HABP2: variants seen among roughly 807,000 people sequenced by gnomAD.
HABP2 encodes the protein factor VII-activating protease.
In HABP2, 65 loss-of-function variants were observed where a neutral mutation model predicts 66.5. The ratio of observed to expected loss-of-function variants is 0.98; its 90% CI spans 0.80 to 1.20. HABP2 has a LOEUF of 1.20. Among genes scored for constraint, HABP2 ranks in the 50% most tolerant of loss-of-function variants. HABP2 has a pLI of 0.00. For missense variants in HABP2, 786 were observed against 691.0 expected (o/e 1.14, Z -1.54); for synonymous variants, 263 against 253.9 (o/e 1.04, Z -0.34).
At position 113,589,005 on chromosome 10, in the gene HABP2, G is replaced by T. The variant is rs748831618; in HGVS notation, c.*636G>T. On this transcript the variant is annotated 3_prime_UTR_variant, in exon 13 of 13. Coordinates refer to ENST00000351270, the MANE Select transcript of HABP2 (RefSeq NM_004132.5). ...ACAGCAGGGCCTTCTTCTTTTTGAC[G>T]TGCAGAATCTCAGTGGCATCTGGGT... is the stretch of plus-strand genomic sequence containing the variant. The T allele has an allele frequency of 6.2e-7, 1 of 1,613,708 alleles. No individual in the cohort carries two copies. Among genetic ancestry groups the T allele is most frequent in the Non-Finnish European group, 8.5e-7 (1 of 1,179,822 alleles).
chr10:113,569,468 T>C (rs895071594), intron 2 of HABP2, among the ~76,000 whole-genome samples: 4 of 152,256 alleles, frequency 2.6e-5, no homozygotes. Context: ...GACAACAGCA[T>C]GGCGAAAGAG....
chr10:113,576,859 A>ATTC (rs374884959), intron 4 of HABP2, among the ~76,000 whole-genome samples: 1 of 152,334 alleles, frequency 6.6e-6, no homozygotes, highest in African/African-American at 2.4e-5. Context: ...TTAGCTAGAA[A>ATTC]ATGGAGAGAC....
At chr10:113,558,405 G>C (rs1293290334) in intron 1 of HABP2, among the ~76,000 whole-genome samples, 3 of 152,200 alleles carry the variant, frequency 2.0e-5, no homozygotes, top group Non-Finnish European at 4.4e-5. Flanking sequence ...TTGAATTCTA[G>C]CTGGCTGCTG....
Position 113,588,257 on chromosome 10 carries a change from A to G in HABP2, c.1571A>G (p.Tyr524Cys), listed in dbSNP as rs752171971. Reference sequence around the variant, plus strand: ...GAGAAGGACGGCACCTACTACGTCTATGGGATAGTGAGCTGGGGCCTGGAG... The same window carrying G: ...GAGAAGGACGGCACCTACTACGTCTGTGGGATAGTGAGCTGGGGCCTGGAG... ...TCEKDGTYYVYGIVSWGLECG... is the reference protein window; with the variant it reads ...TCEKDGTYYVCGIVSWGLECG... The change falls in exon 13 of 13, where the codon TAT becomes TGT. Residue 524 changes from tyrosine (Y) to cysteine (C), a missense_variant. Transcript: ENST00000351270. 34 of 1,613,568 alleles carry G rather than the reference A, an allele frequency of 2.1e-5. No individual in the cohort carries two copies. Among genetic ancestry groups the G allele is most frequent in the Admixed American group, 1.8e-4 (11 of 59,974 alleles).
At chr10:113,551,532 G>A (rs935728870), upstream of HABP2, among the ~76,000 whole-genome samples, 3 of 152,194 alleles carry the variant, frequency 2.0e-5, no homozygotes, top group African/African-American at 7.2e-5. Context: ...ACAGCCAGGC[G>A]CAGTGGCTTA....
intron 1 of HABP2, among the ~76,000 whole-genome samples, chr10:113,562,568 C>G (rs1046437660): frequency 6.6e-6 from 1 of 152,090 alleles, no homozygotes; most frequent in East Asian, 1.9e-4. Flanking sequence ...CCTCAGCCAC[C>G]CGAGTAGCTG....
At chr10:113,581,755 C>T (rs762470279) in intron 8 of HABP2, 121 bp from the exon 9 acceptor site, 1 of 898,320 alleles carries the variant, frequency 1.1e-6, no homozygotes, top group Non-Finnish European at 1.8e-6. Flanking sequence ...TGCACCAGTG[C>T]AGTCTCTCAG....
chr10:113,574,270 C>T lies in HABP2; in HGVS notation c.107-19C>T, dbSNP rs771380641. 1.6e-6 allele frequency: 2 copies of T among 1,223,368 alleles called. No homozygotes were observed. Among genetic ancestry groups the T allele is most frequent in the Non-Finnish European group, 2.4e-6 (2 of 824,678 alleles). 75.8% of individuals were successfully genotyped at this position (1,223,368 alleles called of 1,614,324 possible). A position where few individuals can be genotyped will look rare whatever the true frequency, so the allele number is the denominator to read the frequency against. The stretch of plus-strand genomic sequence containing the variant: ...GTGTAATGATTAGGATTTCTTCTGT[C>T]CTGTTACCATCCCTGCAGACTGGAC... On this transcript the variant is annotated intron_variant, in intron 2 of 12. Transcript: ENST00000351270.
At chr10:113,572,219 T>C (rs559440674) in intron 2 of HABP2, among the ~76,000 whole-genome samples, 1 of 152,236 alleles carries the variant, frequency 6.6e-6, no homozygotes, top group Non-Finnish European at 1.5e-5. Context: ...TTTTATTTCT[T>C]CTTTGGCTTC....
At chr10:113,562,223 A>T (rs1361885953) in intron 1 of HABP2, among the ~76,000 whole-genome samples, 1 of 152,228 alleles carries the variant, frequency 6.6e-6, no homozygotes, top group Non-Finnish European at 1.5e-5. Flanking sequence ...AGCTGGGACC[A>T]TGTGCTATTT....
chr10:113,579,264 A>G (rs970411044), intron 7 of HABP2, among the ~76,000 whole-genome samples: 16 of 152,058 alleles, frequency 1.1e-4, no homozygotes, highest in East Asian at 1.9e-4. Flanking sequence ...AGAAAAAAAA[A>G]AAAGAAAAAA....
Position 113,589,367 on chromosome 10 carries a change from G to GAGCA in HABP2, c.*1003_*1006dup. ...CCCTGACCCTTTCTGCGAATGTAACGAGCAAGCAGTCAGCACAGCCTGGGC... is the reference window on the plus strand; with the variant it reads ...CCCTGACCCTTTCTGCGAATGTAACGAGCAAGCAAGCAGTCAGCACAGCCTGGGC... On this transcript the variant is annotated 3_prime_UTR_variant, in exon 13 of 13. Coordinates refer to ENST00000351270, the MANE Select transcript of HABP2 (RefSeq NM_004132.5). 1.8e-6 allele frequency: 1 copy of GAGCA among 564,008 alleles called. No homozygotes were observed. Among genetic ancestry groups the GAGCA allele is most frequent in the Non-Finnish European group, 3.1e-6 (1 of 319,212 alleles). 34.9% of individuals were successfully genotyped at this position (564,008 alleles called of 1,614,324 possible). A position where few individuals can be genotyped will look rare whatever the true frequency, so the allele number is the denominator to read the frequency against.
intron 12 of HABP2, among the ~76,000 whole-genome samples, chr10:113,586,991 C>T (rs1351888539): frequency 6.6e-6 from 1 of 152,258 alleles, no homozygotes; most frequent in Non-Finnish European, 1.5e-5. Context: ...TTGCCCTAAA[C>T]TCCTTCCCAG....
At chr10:113,574,430 A>T (rs2133768075) in intron 3 of HABP2, 25 bp downstream of exon 3, 1 of 1,160,472 alleles carries the variant, frequency 8.6e-7, no homozygotes, top group Middle Eastern at 1.9e-4. Flanking sequence ...TCTTTCAGGG[A>T]CTCTCCTGGG....
At chr10:113,557,253 C>T (rs1172101129) in intron 1 of HABP2, among the ~76,000 whole-genome samples, 1 of 152,068 alleles carries the variant, frequency 6.6e-6, no homozygotes, top group Non-Finnish European at 1.5e-5. Flanking sequence ...GCCATCTACA[C>T]GGTCTTAGGG....
intron 5 of HABP2, 126 bp from the exon 6 acceptor site, chr10:113,577,900 T>A: frequency 9.5e-7 from 1 of 1,055,436 alleles, no homozygotes; most frequent in Non-Finnish European, 1.4e-6. Flanking sequence ...GTCTTTCCCA[T>A]CTGGTGACCC....
chr10:113,553,186 G>T lies in HABP2; in HGVS notation c.65G>T (p.Cys22Phe). The T allele has an allele frequency of 6.2e-7, 1 of 1,606,640 alleles. No homozygotes were observed. Among genetic ancestry groups the T allele is most frequent in the Non-Finnish European group, 8.5e-7 (1 of 1,173,172 alleles). Reference protein sequence around the residue: ...LLMALVGKTACGFSLMSLLES... With the variant: ...LLMALVGKTAFGFSLMSLLES... The stretch of plus-strand genomic sequence containing the variant: ...ATGGCTCTGGTGGGAAAGACAGCCT[G>T]TGGGGTAAGTGTTCTTTTCTAATAT... Residue 22 changes from cysteine to phenylalanine, a missense_variant, in exon 1 of 13, where the codon TGT becomes TTT. Coordinates refer to ENST00000351270, the MANE Select transcript of HABP2 (RefSeq NM_004132.5).
chr10:113,588,534 G>T lies in HABP2; in HGVS notation c.*165G>T. The T allele has an allele frequency of 1.8e-6, 1 of 564,922 alleles. No homozygotes were observed. Among genetic ancestry groups the T allele is most frequent in the Non-Finnish European group, 3.1e-6 (1 of 323,102 alleles). 35.0% of individuals were successfully genotyped at this position (564,922 alleles called of 1,614,324 possible). ...ACCCAGCCTGGGCCTTCCCAGACCAGCATTTGCACAATATCACCAGGCTTC... is the reference window on the plus strand; with the variant it reads ...ACCCAGCCTGGGCCTTCCCAGACCATCATTTGCACAATATCACCAGGCTTC... On this transcript the variant is annotated 3_prime_UTR_variant, in exon 13 of 13. Transcript: ENST00000351270.
intron 12 of HABP2, among the ~76,000 whole-genome samples, chr10:113,586,821 G>A (rs191695953): frequency 4.6e-5 from 7 of 152,188 alleles, no homozygotes; most frequent in East Asian, 1.9e-4. Flanking sequence ...GAGCCTCCCC[G>A]TACAAAGGAA....
Sources: gnomAD v4.1 joint callset for allele counts (sites outside exome capture counted in the v4.1 genomes callset) on GRCh38, gnomAD v4.1.1 for gene constraint, MANE v1.5 for transcripts, NCBI Gene and HGNC (gene_info 2026-07-23, HGNC 2026-07-21) for gene names.